The following WDR62 variants were observed in gnomAD, a reference collection of about 807,000 sequenced individuals.
WDR62 encodes the protein WD repeat-containing protein 62.
In WDR62, 112 loss-of-function variants were observed where a neutral mutation model predicts 160.6. The ratio of observed to expected loss-of-function variants is 0.70; its 90% confidence interval spans 0.60 to 0.82. The LOEUF is 0.82. Among genes scored for constraint, WDR62 ranks in the 40% least tolerant of loss-of-function variants. The probability of loss-of-function intolerance (pLI) is 0.00; values close to 1 mark genes in which losing one functional copy is unlikely to be tolerated. For synonymous variants in WDR62, 792 were observed against 815.1 expected (o/e 0.97, Z 0.48); for missense variants, 1,819 against 1,983.8 (o/e 0.92, Z 1.58).
intron 1 of WDR62, among the ~76,000 whole-genome samples, chr19:36,057,671 C>T (rs996602064): frequency 5.3e-5 from 8 of 152,132 alleles, no homozygotes; most frequent in African/African-American, 1.9e-4. Context: ...TGGGCCACCA[C>T]ACCTGACTAA....
Position 36,101,780 on chromosome 19 carries a change from C to G in WDR62, c.3082+6C>G. 1 of 1,550,656 alleles carries G rather than the reference C, an allele frequency of 6.4e-7. No homozygotes were observed. The highest frequency in any genetic ancestry group is 8.7e-7 in the Non-Finnish European group (1 of 1,146,256). On this transcript the variant is annotated splice_donor_region_variant and intron_variant, in intron 25 of 31. Transcript: ENST00000401500. ...GTCGCTGCCCCATTTCCCAGGTAAGCAGGGGCCAGACACGCAGGGGACTCG... is the reference window on the plus strand; with the variant it reads ...GTCGCTGCCCCATTTCCCAGGTAAGGAGGGGCCAGACACGCAGGGGACTCG...
In WDR62 at chr19:36,102,797, A is replaced by G. The variant is rs770263160; in HGVS notation, c.3281A>G (p.Asn1094Ser). Residue 1094 changes from asparagine (N) to serine (S), a missense_variant, in exon 27 of 32, where the codon AAC becomes AGC. Transcript: ENST00000401500. Reference sequence around the variant, plus strand: ...TCTGAAGCTGAAGACCACTTCTTCAACCCACGCCTGAGTATCTCCACGCAG... The same window carrying G: ...TCTGAAGCTGAAGACCACTTCTTCAGCCCACGCCTGAGTATCTCCACGCAG... ...EASEAEDHFF[N>S]PRLSISTQFL... is the part of the protein sequence containing the mutation. 1.2e-5 allele frequency: 19 copies of G among 1,614,192 alleles called. No individual in the cohort carries two copies. Among genetic ancestry groups the G allele is most frequent in the Non-Finnish European group, 1.5e-5 (18 of 1,180,034 alleles).
chr19:36,065,986 C>T lies in WDR62; in HGVS notation c.361C>T (p.Pro121Ser). Residue 121 changes from proline (P) to serine (S), a missense_variant, in exon 4 of 32, where the codon CCT becomes TCT. Pro to Ser is a moderately conservative substitution (Grantham distance 74). Transcript: ENST00000401500. Reference sequence around the variant, plus strand: ...GTCTCTCAGTGCTCTGGCCTTCTCCCCTGATGGGAAGTACATAGTGACAGG... The same window carrying T: ...GTCTCTCAGTGCTCTGGCCTTCTCCTCTGATGGGAAGTACATAGTGACAGG... ...RKSLSALAFS[P>S]DGKYIVTGEN... is the part of the protein sequence containing the mutation. 1 of 1,614,192 alleles carries T rather than the reference C, an allele frequency of 6.2e-7. No individual in the cohort carries two copies. Among genetic ancestry groups the T allele is most frequent in the Non-Finnish European group, 8.5e-7 (1 of 1,180,040 alleles).
rs761514747 is a variant in WDR62, at chr19:36,083,113, C to T, written c.1422C>T (p.Asp474=). Residue 474 remains aspartate, a synonymous_variant, in exon 11 of 32, where the codon GAC becomes GAT. Coordinates refer to ENST00000401500, the MANE Select transcript of WDR62 (RefSeq NM_001083961.2). ...YVENDIQHLQ[D]MSHFPDRGSE... The stretch of plus-strand genomic sequence containing the variant: ...AGAATGACATCCAGCACCTGCAGGA[C>T]ATGTCACACTTCCCAGACCGGGGGA... 17 of 1,613,628 alleles carry T rather than the reference C, an allele frequency of 1.1e-5. No individual in the cohort carries two copies. In the East Asian group the frequency reaches 3.8e-4, roughly 36 times the overall value.
chr19:36,085,815 A>G (rs974214619), intron 12 of WDR62, among the ~76,000 whole-genome samples: 3 of 152,094 alleles, frequency 2.0e-5, no homozygotes, highest in Non-Finnish European at 4.4e-5. Flanking sequence ...TCTGTCACCC[A>G]GATGATATAT....
rs1042373380 is a variant in WDR62, at chr19:36,089,175, G to C, written c.1837-10G>C. On this transcript the variant is annotated splice_polypyrimidine_tract_variant and intron_variant, in intron 14 of 31. Transcript: ENST00000401500. ...GGGGCATTCTCTGAAGGTCCTGCCG[G>C]CCCTGCCAGGGTTCGGATGGACTAC... The C allele has an allele frequency of 6.2e-7, 1 of 1,613,726 alleles. No individual in the cohort carries two copies. Among genetic ancestry groups the C allele is most frequent in the Admixed American group, 1.7e-5 (1 of 59,950 alleles).
intron 26 of WDR62, chr19:36,102,432 T>G (rs1428802407): frequency 1.7e-5 from 10 of 581,462 alleles, no homozygotes; most frequent in East Asian, 5.9e-5. Flanking sequence ...TGCTAATTTT[T>G]TGTATTTTTA....
At chr19:36,093,791 T>C (rs1043739808) in intron 19 of WDR62, among the ~76,000 whole-genome samples, 24 of 152,230 alleles carry the variant, frequency 1.6e-4, no homozygotes, top group African/African-American at 5.5e-4. Flanking sequence ...TTCTGTCCCA[T>C]TGCTGTGGCC....
At position 36,065,150 on chromosome 19, in the gene WDR62, G is replaced by A. The variant is rs187921404; in HGVS notation, c.333-808G>A. On this transcript the variant is annotated intron_variant, in intron 3 of 31. Coordinates refer to ENST00000401500, the MANE Select transcript of WDR62 (RefSeq NM_001083961.2). ...GTTATGTCAGTAAGGAAAGAGAGGC[G>A]AGTGGATATCCAGGAGGCAGCTTGC... Among the ~76,000 whole-genome samples the A allele has an allele frequency of 2.5e-3, 387 of 152,302 alleles. 2 individuals are homozygous for A. Among genetic ancestry groups the A allele is most frequent in the African/African-American group, 8.9e-3 (369 of 41,554 alleles).
At chr19:36,099,689 T>C (rs1450136288) in intron 22 of WDR62, 72 bp downstream of exon 22, 28 of 1,446,388 alleles carry the variant, frequency 1.9e-5, no homozygotes, top group Non-Finnish European at 2.9e-6. Flanking sequence ...CGCCTTAGGC[T>C]GACTCCCACT....
At chr19:36,058,586 CTG>C (rs1970483039) in intron 1 of WDR62, among the ~76,000 whole-genome samples, 192 bp from the exon 2 acceptor site, 1 of 152,266 alleles carries the variant, frequency 6.6e-6, no homozygotes, top group Admixed American at 6.5e-5. Context: ...CCTCACCACT[CTG>C]TGCTTTTCAC....
chr19:36,091,301 T>C lies in WDR62; in HGVS notation c.2136T>C (p.Phe712=). The change falls in exon 17 of 32, where the codon TTT becomes TTC. Residue 712 remains phenylalanine, a synonymous_variant. Transcript: ENST00000401500. ...FYSGECIAKM[F]GHSEIITSMK... is the part of the protein sequence containing the mutation. Reference sequence around the variant, plus strand: ...CGGGCGAGTGCATTGCCAAGATGTTTGGCCATTCAGGTGGGTGTGCCTCTC... The same window carrying C: ...CGGGCGAGTGCATTGCCAAGATGTTCGGCCATTCAGGTGGGTGTGCCTCTC... The C allele has an allele frequency of 1.9e-6, 3 of 1,614,076 alleles. No homozygotes were observed. Among genetic ancestry groups the C allele is most frequent in the Non-Finnish European group, 2.5e-6 (3 of 1,180,014 alleles).
At chr19:36,088,043 C>G (rs1241872025) in intron 13 of WDR62, among the ~76,000 whole-genome samples, 1 of 152,172 alleles carries the variant, frequency 6.6e-6, no homozygotes, top group Non-Finnish European at 1.5e-5. Context: ...TCCCAGGTTA[C>G]CCTTCCTCCC....
intron 30 of WDR62, among the ~76,000 whole-genome samples, chr19:36,104,301 G>A (rs2145884530): frequency 6.6e-6 from 1 of 152,256 alleles, no homozygotes; most frequent in East Asian, 1.9e-4. Flanking sequence ...AGTGCAGGGT[G>A]GGGACAGGGG....
At chr19:36,057,271 G>A (rs1970418705) in intron 1 of WDR62, among the ~76,000 whole-genome samples, 1 of 152,136 alleles carries the variant, frequency 6.6e-6, no homozygotes, top group Non-Finnish European at 1.5e-5. Context: ...ATTCATGTTA[G>A]CTAATACTGA....
intron 9 of WDR62, 24 bp downstream of exon 9, chr19:36,073,555 G>A (rs775429917): frequency 1.3e-6 from 2 of 1,535,586 alleles, no homozygotes. Context: ...CCACCCCCTT[G>A]CCCCTGCTTG....
At chr19:36,064,826 C>T (rs765665645) in intron 3 of WDR62, among the ~76,000 whole-genome samples, 1 of 152,064 alleles carries the variant, frequency 6.6e-6, no homozygotes, top group Non-Finnish European at 1.5e-5. Context: ...GAACCACCCA[C>T]CCCTCTGCCT....
rs769679657 is a variant in WDR62, at chr19:36,105,073, G to C, written c.*45G>C. On this transcript the variant is annotated 3_prime_UTR_variant, in exon 32 of 32. Transcript: ENST00000401500. ...CAGCCCTGCTGCTTCTGAGGACTTA[G>C]GTATTTTAAGCGAATAAACTGACAG... 1.7e-4 allele frequency: 273 copies of C among 1,570,988 alleles called. No homozygotes were observed. The highest frequency in any genetic ancestry group is 2.2e-4 in the Non-Finnish European group (258 of 1,165,956).
intron 19 of WDR62, among the ~76,000 whole-genome samples, 159 bp downstream of exon 19, chr19:36,092,970 G>T (rs968920880): frequency 2.0e-5 from 3 of 152,218 alleles, no homozygotes; most frequent in Non-Finnish European, 2.9e-5. Context: ...TGCAGTTACA[G>T]TAATAGATAC....
Sources: allele counts gnomAD v4.1 joint callset (sites outside exome capture counted in the v4.1 genomes callset), GRCh38; gene constraint gnomAD v4.1.1; transcripts MANE v1.5; gene names NCBI Gene and HGNC (gene_info 2026-07-23, HGNC 2026-07-21).